Variants in CSTPP1 observed in about 807,000 individuals in gnomAD.
CSTPP1 encodes the protein centriolar satellite-associated tubulin polyglutamylase complex regulator 1.
chr11:47,113,568 T>C, the CSTPP1 span, among the ~76,000 whole-genome samples: 1 of 152,214 alleles, frequency 6.6e-6, no homozygotes, highest in Non-Finnish European at 1.5e-5. Context: ...GGTATTTCAT[T>C]ATGGTTTTGA....
the CSTPP1 span, among the ~76,000 whole-genome samples, chr11:46,969,985 A>G: frequency 6.6e-6 from 1 of 152,074 alleles, no homozygotes; most frequent in Non-Finnish European, 1.5e-5. Flanking sequence ...CAGGATGCAC[A>G]AACATAATGT....
the CSTPP1 span, among the ~76,000 whole-genome samples, chr11:47,042,253 G>C: frequency 6.6e-6 from 1 of 151,034 alleles, no homozygotes; most frequent in Non-Finnish European, 1.5e-5. Context: ...AGGATGGATG[G>C]ATGGAAGAAA....
At chr11:47,011,946 T>C in the CSTPP1 span, among the ~76,000 whole-genome samples, 1 of 152,018 alleles carries the variant, frequency 6.6e-6, no homozygotes, top group African/African-American at 2.4e-5. Flanking sequence ...ACAAATAAAT[T>C]AGTAAGGTAG....
At chr11:47,160,993 C>G in the CSTPP1 span, 5 of 1,137,898 alleles carry the variant, frequency 4.4e-6, no homozygotes, top group Non-Finnish European at 6.4e-6. Context: ...GCCCCTCTAG[C>G]AGTCCTCAGA....
chr11:47,163,705 C>T, the CSTPP1 span, among the ~76,000 whole-genome samples: 18 of 152,064 alleles, frequency 1.2e-4, no homozygotes, highest in Admixed American at 3.9e-4. Context: ...TGCAGTGGCG[C>T]GATCTAGTCT....
At chr11:46,941,763 A>C in the CSTPP1 span, among the ~76,000 whole-genome samples, 1 of 152,196 alleles carries the variant, frequency 6.6e-6, no homozygotes, top group Non-Finnish European at 1.5e-5. Flanking sequence ...ATTTTTATAC[A>C]TTATAAAGTT....
At chr11:47,033,306 G>A in the CSTPP1 span, among the ~76,000 whole-genome samples, 2 of 152,118 alleles carry the variant, frequency 1.3e-5, no homozygotes, top group Admixed American at 1.3e-4. Context: ...TAGTTTCAGT[G>A]CCTGTATCAC....
At chr11:47,136,560 T>G in the CSTPP1 span, among the ~76,000 whole-genome samples, 1 of 151,980 alleles carries the variant, frequency 6.6e-6, no homozygotes, top group Non-Finnish European at 1.5e-5. Flanking sequence ...AGATTTGGGG[T>G]TTTTGTCTTG....
At chr11:47,002,329 T>C in the CSTPP1 span, among the ~76,000 whole-genome samples, 256 of 152,312 alleles carry the variant, frequency 1.7e-3, 2 homozygotes, top group South Asian at 0.043. Flanking sequence ...AGGTATGCTA[T>C]AGCAAAAAGA....
the CSTPP1 span, chr11:47,160,111 G>T: frequency 4.5e-5 from 8 of 176,128 alleles, no homozygotes; most frequent in Non-Finnish European, 9.5e-5. Flanking sequence ...TGACCAGCCT[G>T]GGCAATATAG....
At chr11:47,030,709 T>A in the CSTPP1 span, among the ~76,000 whole-genome samples, 1 of 152,112 alleles carries the variant, frequency 6.6e-6, no homozygotes, top group Non-Finnish European at 1.5e-5. Context: ...TGTGTGTTGT[T>A]CCCCTCTATG....
chr11:47,058,911 A>G, the CSTPP1 span, among the ~76,000 whole-genome samples: 1 of 152,340 alleles, frequency 6.6e-6, no homozygotes, highest in East Asian at 1.9e-4. Flanking sequence ...CTCTTATTCT[A>G]GGAGAAGAAA....
the CSTPP1 span, among the ~76,000 whole-genome samples, chr11:47,003,091 CT>C: frequency 2.0e-5 from 3 of 152,212 alleles, no homozygotes; most frequent in African/African-American, 7.2e-5. Context: ...GGGAAAATCA[CT>C]TGAGGCCAGG....
the CSTPP1 span, among the ~76,000 whole-genome samples, chr11:47,058,118 G>A: frequency 1.3e-5 from 2 of 152,158 alleles, no homozygotes; most frequent in African/African-American, 4.8e-5. Context: ...TGGATCACTT[G>A]AGCCCAGGAG....
chr11:46,947,055 C>T, the CSTPP1 span, among the ~76,000 whole-genome samples: 1 of 152,296 alleles, frequency 6.6e-6, no homozygotes, highest in East Asian at 1.9e-4. Flanking sequence ...TGGATCTTTT[C>T]GGTTTTAACT....
chr11:46,961,847 T>G, the CSTPP1 span, among the ~76,000 whole-genome samples: 1 of 152,190 alleles, frequency 6.6e-6, no homozygotes, highest in Non-Finnish European at 1.5e-5. Flanking sequence ...TTTGGCACTG[T>G]ATTAGTCCAT....
chr11:47,155,689 A>C, the CSTPP1 span: 1 of 190,786 alleles, frequency 5.2e-6, no homozygotes, highest in Non-Finnish European at 1.1e-5. Flanking sequence ...GCAGCTCATA[A>C]GTGGTGGAGA....
At chr11:46,981,223 C>T in the CSTPP1 span, among the ~76,000 whole-genome samples, 2 of 150,672 alleles carry the variant, frequency 1.3e-5, no homozygotes, top group African/African-American at 2.4e-5. Context: ...AAGTAGGTTC[C>T]ATATTGTTTT....
the CSTPP1 span, among the ~76,000 whole-genome samples, chr11:47,082,704 C>A: frequency 6.6e-6 from 1 of 152,072 alleles, no homozygotes; most frequent in South Asian, 2.1e-4. Context: ...TACACATTAG[C>A]AGTAACTCCC....
Sources: allele counts gnomAD v4.1 joint callset (sites outside exome capture counted in the v4.1 genomes callset), GRCh38; gene constraint gnomAD v4.1.1; transcripts MANE v1.5; gene names NCBI Gene and HGNC (gene_info 2026-07-23, HGNC 2026-07-21).